The following OSBP2 variants were observed in gnomAD, a reference collection of about 807,000 sequenced individuals.
OSBP2 encodes oxysterol binding protein 2, also known as oxysterol-binding protein 2.
Under a neutral mutation model 96.0 loss-of-function variants are expected in OSBP2, and 66 were observed. The ratio of observed to expected loss-of-function variants is 0.69; its 90% CI spans 0.56 to 0.84. The LOEUF (loss-of-function observed/expected upper bound fraction) is 0.84. Ranked by LOEUF, OSBP2 falls within the 40% of genes least tolerant of loss-of-function variation. The probability of loss-of-function intolerance (pLI) is 0.00; values close to 1 mark genes in which losing one functional copy is unlikely to be tolerated. For missense variants in OSBP2, 1,038 were observed against 1,222.7 expected (o/e 0.85, Z 2.25); for synonymous variants, 525 against 520.9 (o/e 1.01, Z -0.11).
chr22:30,826,250 C>T (rs2038403707), intron 2 of OSBP2, among the ~76,000 whole-genome samples: 1 of 152,268 alleles, frequency 6.6e-6, no homozygotes, highest in East Asian at 1.9e-4. Context: ...CTATATTTGG[C>T]ATCTGCTGAG....
intron 12 of OSBP2, among the ~76,000 whole-genome samples, chr22:30,896,580 T>C (rs933914313): frequency 6.6e-6 from 1 of 150,756 alleles, no homozygotes; most frequent in African/African-American, 2.4e-5. Context: ...CCAAGCATTA[T>C]CAATGATTAT....
chr22:30,753,826 T>C (rs1439011756), intron 2 of OSBP2, among the ~76,000 whole-genome samples: 2 of 152,214 alleles, frequency 1.3e-5, no homozygotes, highest in Non-Finnish European at 2.9e-5. Flanking sequence ...TATTTGAAGT[T>C]ATGAGAGGGA....
At chr22:30,879,821 G>A (rs1045889143) in intron 3 of OSBP2, among the ~76,000 whole-genome samples, 4 of 152,324 alleles carry the variant, frequency 2.6e-5, no homozygotes, top group East Asian at 1.9e-4. Context: ...AGAGGCCGAC[G>A]CGGGCAGATT....
intron 1 of OSBP2, among the ~76,000 whole-genome samples, chr22:30,722,048 G>A (rs1206765808): frequency 6.6e-6 from 1 of 152,116 alleles, no homozygotes; most frequent in East Asian, 1.9e-4. Context: ...CTGTGGAGGA[G>A]GATCTGGATG....
In OSBP2 at chr22:30,708,731, G is replaced by T. The variant is rs1282725440; in HGVS notation, c.644+13178G>T. The stretch of plus-strand genomic sequence containing the variant: ...TGGAACTCCTGACCTCAGGTGATCC[G>T]CCCACTTCAGCCTCCCAAAGTGCTA... On this transcript the variant is annotated intron_variant, in intron 1 of 13. Coordinates refer to ENST00000332585, the MANE Select transcript of OSBP2 (RefSeq NM_030758.4). 2.7e-5 allele frequency among the ~76,000 whole-genome samples: 4 copies of T among 150,448 alleles called. No homozygotes were observed. The East Asian group carries it at 8.0e-4, about 30-fold the overall frequency.
chr22:30,835,600 A>C (rs932145138), intron 2 of OSBP2, among the ~76,000 whole-genome samples: 1 of 152,170 alleles, frequency 6.6e-6, no homozygotes, highest in Non-Finnish European at 1.5e-5. Context: ...CCTGGAGACC[A>C]TACTGGTATT....
At chr22:30,739,159 T>C (rs1226383214) in intron 1 of OSBP2, among the ~76,000 whole-genome samples, 1 of 152,236 alleles carries the variant, frequency 6.6e-6, no homozygotes, top group Non-Finnish European at 1.5e-5. Flanking sequence ...ACATTGATTG[T>C]AATTGGAAAT....
Position 30,888,341 on chromosome 22 carries a change from G to A in OSBP2, c.1418+1G>A. 6.3e-7 allele frequency: 1 copy of A among 1,594,192 alleles called. No homozygotes were observed. Among genetic ancestry groups the A allele is most frequent in the Non-Finnish European group, 8.6e-7 (1 of 1,161,988 alleles). ...TGATCACCGAGGCCAAGGAAGACAG[G>A]TAAGGTGGCTGCAGCTGGGCAGAGC... On this transcript the variant is annotated splice_donor_variant, in intron 5 of 13. Coordinates refer to ENST00000332585, the MANE Select transcript of OSBP2 (RefSeq NM_030758.4). LOFTEE classifies it high-confidence loss of function.
intron 3 of OSBP2, among the ~76,000 whole-genome samples, chr22:30,878,366 C>T (rs1381691142): frequency 6.6e-6 from 1 of 152,230 alleles, no homozygotes; most frequent in African/African-American, 2.4e-5. Context: ...AGCTGGCGCC[C>T]GTGAGAGTGG....
At chr22:30,740,914 C>G (rs542013172) in intron 1 of OSBP2, among the ~76,000 whole-genome samples, 2 of 152,330 alleles carry the variant, frequency 1.3e-5, no homozygotes, top group Admixed American at 1.3e-4. Context: ...ACACTCCCTG[C>G]ACACGTGGCA....
At chr22:30,874,107 C>T (rs887437007) in intron 3 of OSBP2, among the ~76,000 whole-genome samples, 8 of 152,128 alleles carry the variant, frequency 5.3e-5, no homozygotes, top group African/African-American at 7.2e-5. Context: ...CATGGTGGCA[C>T]GTACCTGTAA....
intron 1 of OSBP2, among the ~76,000 whole-genome samples, chr22:30,701,545 A>G (rs1035652493): frequency 4.0e-5 from 6 of 151,714 alleles, no homozygotes; most frequent in South Asian, 2.1e-4. Flanking sequence ...GGGTTTCACC[A>G]TGTTAGCCAG....
At chr22:30,891,009 C>T (rs1248547223) in intron 8 of OSBP2, 36 bp downstream of exon 8, 9 of 1,586,094 alleles carry the variant, frequency 5.7e-6, no homozygotes, top group African/African-American at 1.3e-5. Flanking sequence ...TGGCGCCCAC[C>T]CACACTCTGG....
In OSBP2 at chr22:30,695,008, C is replaced by T; in HGVS notation, c.99C>T (p.His33=). The change falls in exon 1 of 14, where the codon CAC becomes CAT. Residue 33 remains histidine, a synonymous_variant. Coordinates refer to ENST00000332585, the MANE Select transcript of OSBP2 (RefSeq NM_030758.4). ...CGGTTGTCCCCTGCCTGTCGTGCCA[C>T]ACGGCGGCGCCGGGCATGAGCGCTT... is the stretch of plus-strand genomic sequence containing the variant. ...LFTVVPCLSC[H]TAAPGMSAST... is the part of the protein sequence containing the mutation. 7 of 1,577,294 alleles carry T rather than the reference C, an allele frequency of 4.4e-6. No individual in the cohort carries two copies. Among genetic ancestry groups the T allele is most frequent in the Non-Finnish European group, 6.0e-6 (7 of 1,165,006 alleles).
At chr22:30,758,271 G>T (rs533929916) in intron 2 of OSBP2, among the ~76,000 whole-genome samples, 1 of 152,076 alleles carries the variant, frequency 6.6e-6, no homozygotes, top group Non-Finnish European at 1.5e-5. Flanking sequence ...GTGTGGTGGC[G>T]CACGCTTGTA....
intron 2 of OSBP2, among the ~76,000 whole-genome samples, chr22:30,777,382 G>A (rs1041898189): frequency 6.6e-6 from 1 of 152,062 alleles, no homozygotes; most frequent in African/African-American, 2.4e-5. Context: ...AGATCTGATG[G>A]TTTTTAAAAA....
At chr22:30,705,640 C>T (rs777748247) in intron 1 of OSBP2, among the ~76,000 whole-genome samples, 4 of 152,144 alleles carry the variant, frequency 2.6e-5, no homozygotes, top group Non-Finnish European at 5.9e-5. Context: ...GTGAGTTCTT[C>T]AGCTGCTGCT....
At chr22:30,788,169 C>T (rs553523810) in intron 2 of OSBP2, among the ~76,000 whole-genome samples, 17 of 152,198 alleles carry the variant, frequency 1.1e-4, no homozygotes, top group African/African-American at 3.9e-4. Context: ...GTCCATATGG[C>T]CTCAGTACAA....
At chr22:30,858,591 T>A (rs1465455217) in intron 2 of OSBP2, among the ~76,000 whole-genome samples, 1 of 151,330 alleles carries the variant, frequency 6.6e-6, no homozygotes, top group African/African-American at 2.4e-5. Context: ...TATAAAACCC[T>A]TTCCTGGCCA....
Sources: allele counts gnomAD v4.1 joint callset (sites outside exome capture counted in the v4.1 genomes callset), GRCh38; gene constraint gnomAD v4.1.1; transcripts MANE v1.5; gene names NCBI Gene and HGNC (gene_info 2026-07-23, HGNC 2026-07-21).